PRKAG3: variants seen among roughly 807,000 people sequenced by gnomAD.
PRKAG3 encodes protein kinase AMP-activated non-catalytic subunit gamma 3.
PRKAG3 carries 39 observed loss-of-function variants against 56.5 expected under a neutral mutation model. The observed-to-expected ratio is 0.69, with a 90% CI of 0.53 to 0.90. The LOEUF (loss-of-function observed/expected upper bound fraction) is 0.90. PRKAG3 is among the 40% of genes least tolerant of loss of function. The pLI, the probability that PRKAG3 is intolerant of heterozygous loss-of-function variation, is 0.00. For missense variants in PRKAG3, 628 were observed against 627.5 expected (o/e 1.00, Z -0.01); for synonymous variants, 243 against 250.1 (o/e 0.97, Z 0.27).
chr2:218,824,366 G>A, exon 12 of PRKAG3: 1 of 1,614,102 alleles, frequency 6.2e-7, no homozygotes, highest in Non-Finnish European at 8.5e-7. Context: ...GGGCAGCCAG[G>A]TGCTGGGGCA....
chr2:218,830,349 C>G lies in PRKAG3; in HGVS notation c.262G>C (p.Gly88Arg), dbSNP rs551943227. 4.4e-6 allele frequency: 7 copies of G among 1,608,870 alleles called. No individual in the cohort carries two copies. In the South Asian group the frequency reaches 4.4e-5, roughly 10 times the overall value. ...GTCTTGGGGAATGTGGCCTCCAGCC[C>G]GGTGGACTCAGCAGCTGGCCTGGAC... The change falls in exon 4 of 13, where the codon GGG (glycine) becomes CGG (arginine). Residue 88 changes from glycine to arginine, a missense_variant. Gly to Arg is a moderately radical substitution (Grantham distance 125). Transcript: ENST00000529249.
In PRKAG3 at chr2:218,827,565, A is replaced by C; in HGVS notation, c.875+10T>G. 1 of 1,613,160 alleles carries C rather than the reference A, an allele frequency of 6.2e-7. No homozygotes were observed. ...GGAGGAGGCTCAGGTGAATGAGCAGAGACACCCACCTATCATTAGGAGAGA... is the reference window on the plus strand; with the variant it reads ...GGAGGAGGCTCAGGTGAATGAGCAGCGACACCCACCTATCATTAGGAGAGA... On this transcript the variant is annotated intron_variant, in intron 8 of 12. Coordinates refer to ENST00000529249, the Ensembl canonical transcript of PRKAG3. This position sits in a 1 kb window ranked among gnomAD's most constrained non-coding sequence, Gnocchi z 5.3.
At position 218,826,826 on chromosome 2, in the gene PRKAG3, C is replaced by T. The variant is rs1943938853; in HGVS notation, c.1168+102G>A. 5 of 1,476,630 alleles carry T rather than the reference C, an allele frequency of 3.4e-6. No homozygotes were observed. In the Admixed American group the frequency reaches 6.8e-5, roughly 20 times the overall value. 91.5% of individuals were successfully genotyped at this position (1,476,630 alleles called of 1,614,324 possible). On this transcript the variant is annotated intron_variant, in intron 10 of 12. Transcript: ENST00000529249. Reference sequence around the variant, plus strand: ...CTAATCCCCAGTCCATCCTGTACCCCCCACAGGGATGGCATGAGAAACCCT... The same window carrying T: ...CTAATCCCCAGTCCATCCTGTACCCTCCACAGGGATGGCATGAGAAACCCT...
intron 10 of PRKAG3, 92 bp downstream of exon 10, chr2:218,826,836 T>C: frequency 6.6e-7 from 1 of 1,517,840 alleles, no homozygotes; most frequent in Admixed American, 1.7e-5. Flanking sequence ...CCCACAGGGA[T>C]GGCATGAGAA....
exon 13 of PRKAG3, chr2:218,823,751 C>T: frequency 6.2e-7 from 1 of 1,613,866 alleles, no homozygotes; most frequent in Non-Finnish European, 8.5e-7. Flanking sequence ...GGATTGAGGA[C>T]TCAGATCTTC....
In PRKAG3 at chr2:218,827,851, T is replaced by C; in HGVS notation, c.802A>G (p.Lys268Glu). ...CACTCACCCCTCCAGGTCTCAATCT[T>C]ATGTTGTTCAATCTCATAGATCTGG... The change falls in exon 7 of 13, where the codon AAG becomes GAG. Residue 268 changes from lysine (K) to glutamate (E), a missense_variant. Transcript: ENST00000529249. The surrounding 1 kb of genome is among the most constrained non-coding windows in gnomAD (Gnocchi z 5.3). 1.2e-6 allele frequency: 2 copies of C among 1,614,016 alleles called. No individual in the cohort carries two copies. The highest frequency in any genetic ancestry group is 8.5e-7 in the Non-Finnish European group (1 of 1,179,956).
Position 218,827,263 on chromosome 2 carries a change from T to G in PRKAG3, c.986A>C (p.Lys329Thr). 2 of 1,614,168 alleles carry G rather than the reference T, an allele frequency of 1.2e-6. No homozygotes were observed. Among genetic ancestry groups the G allele is most frequent in the Non-Finnish European group, 1.7e-6 (2 of 1,180,030 alleles). ...CAGGCTTACAAAGATGTGCAGGAACTTGAGCAGGCGTTTGTGTGTGAGGAT... is the reference window on the plus strand; with the variant it reads ...CAGGCTTACAAAGATGTGCAGGAACGTGAGCAGGCGTTTGTGTGTGAGGAT... Residue 329 changes from lysine to threonine, a missense_variant, in exon 9 of 13, where the codon AAG becomes ACG. Physicochemically the swap from Lys to Thr is moderately conservative, Grantham distance 78. Transcript: ENST00000529249. This position sits in a 1 kb window ranked among gnomAD's most constrained non-coding sequence, Gnocchi z 5.3.
At chr2:218,824,912 A>G (rs1237900068) in intron 10 of PRKAG3, among the ~76,000 whole-genome samples, 1 of 152,220 alleles carries the variant, frequency 6.6e-6, no homozygotes, top group Non-Finnish European at 1.5e-5. Flanking sequence ...ACAAATCTGG[A>G]TGTGGGGTAT....
In PRKAG3 at chr2:218,828,003, C is replaced by T; in HGVS notation, c.774+1G>A. On this transcript the variant is annotated splice_donor_variant, in intron 6 of 12. Transcript: ENST00000529249. LOFTEE classifies it high-confidence loss of function. ...CATAAGATTCCCAGCCCACTCCTCA[C>T]CAGGGGGGACCTGTAGTAGCGATGC... 6.4e-7 allele frequency: 1 copy of T among 1,574,438 alleles called. No homozygotes were observed. The highest frequency in any genetic ancestry group is 2.3e-5 in the East Asian group (1 of 43,180).
chr2:218,830,188 G>T lies in PRKAG3; in HGVS notation c.423C>A (p.Ala141=), dbSNP rs577415062. 12 of 1,614,156 alleles carry T rather than the reference G, an allele frequency of 7.4e-6. No individual in the cohort carries two copies. The African/African-American group carries it at 1.6e-4, about 22-fold the overall frequency. Residue 141 remains alanine, a synonymous_variant, in exon 4 of 13, where the codon GCC becomes GCA. Transcript: ENST00000529249. ...CTAGCTCACACTCCCAGGCCTCTGT[G>T]GCTGGGAACTCCGTGGCCAGCTCCA... is the stretch of plus-strand genomic sequence containing the variant.
intron 5 of PRKAG3, 83 bp from the exon 6 acceptor site, chr2:218,828,145 C>T (rs979895980): frequency 3.9e-6 from 5 of 1,276,026 alleles, no homozygotes; most frequent in East Asian, 2.5e-5. Flanking sequence ...CCCCACCCTG[C>T]CAGTGTCCTT....
At chr2:218,825,621 CT>C (rs1421497930) in intron 10 of PRKAG3, among the ~76,000 whole-genome samples, 4 of 152,136 alleles carry the variant, frequency 2.6e-5, no homozygotes, top group African/African-American at 7.2e-5. Flanking sequence ...GCACTTTAGC[CT>C]GAGTGACAGA....
At chr2:218,830,157 G>A (rs2105989410) in exon 4 of PRKAG3, 1 of 1,614,126 alleles carries the variant, frequency 6.2e-7, no homozygotes, top group Admixed American at 1.7e-5. Context: ...TCTTCCAGCA[G>A]GCCTTCTAGC....
In PRKAG3 at chr2:218,823,888, C is replaced by T. The variant is rs371067236; in HGVS notation, c.1354-10G>A. On this transcript the variant is annotated splice_polypyrimidine_tract_variant and intron_variant, in intron 12 of 12. Coordinates refer to ENST00000529249, the Ensembl canonical transcript of PRKAG3. ...GCACCAGCCTGTGTACCTGTGGGTC[C>T]GCAATGTTCAGTGAGGGGGCAGAGC... 5.5e-5 allele frequency: 89 copies of T among 1,612,656 alleles called. No homozygotes were observed. The highest frequency in any genetic ancestry group is 7.7e-5 in the South Asian group (7 of 91,064).
At chr2:218,830,076 G>A (rs1425258082) in exon 4 of PRKAG3, 2 of 1,613,200 alleles carry the variant, frequency 1.2e-6, no homozygotes, top group South Asian at 1.1e-5. Context: ...TGGGCGCCGG[G>A]TTTCCGCAGT....
intron 2 of PRKAG3, 73 bp downstream of exon 2, chr2:218,831,263 G>T: frequency 2.5e-6 from 3 of 1,176,830 alleles, no homozygotes; most frequent in Non-Finnish European, 3.6e-6. Flanking sequence ...GGAGGGAATT[G>T]GGGTCCCAGA....
At position 218,827,141 on chromosome 2, in the gene PRKAG3, A is replaced by G. The variant is rs766114253; in HGVS notation, c.1003-48T>C. On this transcript the variant is annotated intron_variant, in intron 9 of 12. Transcript: ENST00000529249. This position sits in a 1 kb window ranked among gnomAD's most constrained non-coding sequence, Gnocchi z 5.3. ...GGAGATCAGGGATCCAGCAGCTTCA[A>G]GAGGGCTCCCAGCTCTTCCCCACGA... The G allele has an allele frequency of 1.9e-6, 3 of 1,612,762 alleles. No individual in the cohort carries two copies. Among genetic ancestry groups the G allele is most frequent in the Non-Finnish European group, 1.7e-6 (2 of 1,179,884 alleles).
At chr2:218,823,599 A>G in exon 13 of PRKAG3, 1 of 1,470,688 alleles carries the variant, frequency 6.8e-7, no homozygotes, top group Non-Finnish European at 9.2e-7. Flanking sequence ...GATCCAGGAA[A>G]TCAGGAAGAC....
At chr2:218,825,438 T>G (rs1340791811) in intron 10 of PRKAG3, among the ~76,000 whole-genome samples, 1 of 151,034 alleles carries the variant, frequency 6.6e-6, no homozygotes, top group Non-Finnish European at 1.5e-5. Flanking sequence ...AGGTCAGGAG[T>G]TGGAGACTGG....
Sources: gnomAD v4.1 joint callset for allele counts (sites outside exome capture counted in the v4.1 genomes callset) on GRCh38, gnomAD v4.1.1 for gene constraint, Gnocchi (gnomAD v3.1) non-coding constraint, MANE v1.5 for transcripts, NCBI Gene and HGNC (gene_info 2026-07-23, HGNC 2026-07-21) for gene names.